The following SPIRE2 variants were observed in gnomAD, a reference collection of about 807,000 sequenced individuals.
SPIRE2 encodes the protein protein spire homolog 2.
SPIRE2 carries 76 observed loss-of-function variants against 80.7 expected under a neutral mutation model. That is an observed-to-expected ratio of 0.94 (90% CI 0.78 to 1.14). The LOEUF (loss-of-function observed/expected upper bound fraction) is 1.14, where lower values mean the gene tolerates loss of function less well. Ranked by LOEUF, SPIRE2 falls within the 50% of genes most tolerant of loss-of-function variation. The pLI is 0.00. For synonymous variants in SPIRE2, 535 were observed against 432.6 expected (o/e 1.24, Z -2.94); for missense variants, 1,196 against 1,015.3 (o/e 1.18, Z -2.42).
At chr16:89,864,542 A>G (rs1171442371) in intron 12 of SPIRE2, among the ~76,000 whole-genome samples, 1 of 152,178 alleles carries the variant, frequency 6.6e-6, no homozygotes, top group Non-Finnish European at 1.5e-5. Context: ...CCTTTACACA[A>G]AAAATTTACC....
At chr16:89,864,491 TA>T (rs2041772265) in intron 12 of SPIRE2, among the ~76,000 whole-genome samples, 1 of 152,228 alleles carries the variant, frequency 6.6e-6, no homozygotes, top group South Asian at 2.1e-4. Context: ...CACACCCATT[TA>T]TTACTCGCTC....
At chr16:89,858,684 T>G (rs2041715143) in intron 8 of SPIRE2, among the ~76,000 whole-genome samples, 177 bp downstream of exon 8, 1 of 152,188 alleles carries the variant, frequency 6.6e-6, no homozygotes, top group Non-Finnish European at 1.5e-5. Flanking sequence ...TCGGGGACCC[T>G]GCCATCTTGG....
Position 89,831,160 on chromosome 16 carries a change from C to T in SPIRE2, c.244+2366C>T, listed in dbSNP as rs1320700830. Among the ~76,000 whole-genome samples, 8 of 150,564 alleles carry T rather than the reference C, an allele frequency of 5.3e-5. No homozygotes were observed. The East Asian group carries it at 5.9e-4, about 11-fold the overall frequency. ...TCCTGACCTCGTGATCTGCCCACCTCGGCCTTCCAAAGTGCTGGGATTACA... is the reference window on the plus strand; with the variant it reads ...TCCTGACCTCGTGATCTGCCCACCTTGGCCTTCCAAAGTGCTGGGATTACA... On this transcript the variant is annotated intron_variant, in intron 1 of 14. Coordinates refer to ENST00000378247, the MANE Select transcript of SPIRE2 (RefSeq NM_032451.2).
rs78659316 is a variant in SPIRE2 at position 89,863,917 on chromosome 16, G to A, written c.1778+56G>A. 3.6e-3 allele frequency: 4,972 copies of A among 1,384,014 alleles called. 277 individuals carry two copies. In the East Asian group the frequency reaches 0.091, roughly 25 times the overall value. The allele number at this position is 1,384,014 out of a possible 1,614,324, so 85.7% of individuals were successfully genotyped here. A position where few individuals can be genotyped will look rare whatever the true frequency, so the allele number is the denominator to read the frequency against. ...AGGGAAGGAGGAGGCGAGAAACCTC[G>A]GGGCAGTACCGCCCACAGAACTTCC... On this transcript the variant is annotated intron_variant, in intron 12 of 14. Transcript: ENST00000378247. The surrounding 1 kb of genome is among the most constrained non-coding windows in gnomAD (Gnocchi z 4.3).
rs766276996 is a variant in SPIRE2, at chr16:89,850,291, C to T, written c.289-13C>T. ...CTGCAGTACCGCCCAGTGACCGCGC[C>T]CCTGTCCCGCAGACCGTGCAGTCCC... is the stretch of plus-strand genomic sequence containing the variant. On this transcript the variant is annotated splice_polypyrimidine_tract_variant and intron_variant, in intron 2 of 14. Transcript: ENST00000378247. 13 of 1,599,800 alleles carry T rather than the reference C, an allele frequency of 8.1e-6. No individual in the cohort carries two copies. In the South Asian group the frequency reaches 1.2e-4, roughly 15 times the overall value.
In SPIRE2 at chr16:89,863,464, G is replaced by A; in HGVS notation, c.1576-12G>A. Reference sequence around the variant, plus strand: ...CTGCATAGAAGACTTCCTACCTGAGGCCGTCCCCTAGGAGTTCAGCCACCC... The same window carrying A: ...CTGCATAGAAGACTTCCTACCTGAGACCGTCCCCTAGGAGTTCAGCCACCC... On this transcript the variant is annotated splice_polypyrimidine_tract_variant and intron_variant, in intron 10 of 14. Coordinates refer to ENST00000378247, the MANE Select transcript of SPIRE2 (RefSeq NM_032451.2). The surrounding 1 kb of genome is among the most constrained non-coding windows in gnomAD (Gnocchi z 4.3). 1 of 1,613,860 alleles carries A rather than the reference G, an allele frequency of 6.2e-7. No individual in the cohort carries two copies. The highest frequency in any genetic ancestry group is 8.5e-7 in the Non-Finnish European group (1 of 1,179,994).
In SPIRE2 at chr16:89,828,548, G is replaced by C; in HGVS notation, c.-3G>C. 1.8e-6 allele frequency: 2 copies of C among 1,110,088 alleles called. No individual in the cohort carries two copies. Among genetic ancestry groups the C allele is most frequent in the Middle Eastern group, 3.9e-4 (1 of 2,552 alleles). 68.8% of individuals were successfully genotyped at this position (1,110,088 alleles called of 1,614,324 possible). A position where few individuals can be genotyped will look rare whatever the true frequency, so the allele number is the denominator to read the frequency against. ...GCGCGCGGGAGGCGATGACGGCCCC[G>C]CCATGGCCCGGGCGGGCAGCTGCGG... is the stretch of plus-strand genomic sequence containing the variant. On this transcript the variant is annotated 5_prime_UTR_variant, in exon 1 of 15. Coordinates refer to ENST00000378247, the MANE Select transcript of SPIRE2 (RefSeq NM_032451.2). The surrounding 1 kb of genome is among the most constrained non-coding windows in gnomAD (Gnocchi z 5.9).
intron 1 of SPIRE2, among the ~76,000 whole-genome samples, chr16:89,832,523 G>A (rs1191780490): frequency 6.6e-6 from 1 of 151,988 alleles, no homozygotes; most frequent in Admixed American, 6.6e-5. Flanking sequence ...CTTCTGCTTG[G>A]AATGCGTTCC....
intron 2 of SPIRE2, chr16:89,845,601 G>T (rs1454479328): frequency 4.3e-6 from 3 of 702,564 alleles, no homozygotes; most frequent in Admixed American, 4.0e-5. Context: ...CCTGGAGGAG[G>T]CAGTGGTGTT....
chr16:89,843,252 C>T (rs1024045854), intron 1 of SPIRE2, among the ~76,000 whole-genome samples: 2 of 152,210 alleles, frequency 1.3e-5, no homozygotes, highest in Non-Finnish European at 2.9e-5. Context: ...TACCTTGGAG[C>T]AAACAGATTC....
At chr16:89,865,661 C>T (rs2041782624) in intron 12 of SPIRE2, among the ~76,000 whole-genome samples, 1 of 151,996 alleles carries the variant, frequency 6.6e-6, no homozygotes, top group African/African-American at 2.4e-5. Context: ...GTTAGAATTT[C>T]CCAGACTGAA....
At chr16:89,829,837 C>CA (rs2041362554) in intron 1 of SPIRE2, among the ~76,000 whole-genome samples, 1 of 151,472 alleles carries the variant, frequency 6.6e-6, no homozygotes, top group Non-Finnish European at 1.5e-5. Context: ...CGCTGGCACT[C>CA]AGACAGTGGC....
chr16:89,850,512 G>C lies in SPIRE2; in HGVS notation c.497G>C (p.Arg166Pro). Reference protein sequence around the residue: ...EEAEGVPRSVRTFAQAMRLCA... With the variant: ...EEAEGVPRSVPTFAQAMRLCA... ...GCCGAGGGCGTCCCCCGCAGCGTGC[G>C]CACCTTTGCCCAGGCCATGCGGCTG... Residue 166 changes from arginine to proline, a missense_variant, in exon 3 of 15, where the codon CGC becomes CCC. Arg to Pro is a moderately radical substitution (Grantham distance 103, BLOSUM62 -2). Coordinates refer to ENST00000378247, the MANE Select transcript of SPIRE2 (RefSeq NM_032451.2). The C allele has an allele frequency of 6.6e-7, 1 of 1,525,106 alleles. No homozygotes were observed. Among genetic ancestry groups the C allele is most frequent in the Non-Finnish European group, 8.8e-7 (1 of 1,140,252 alleles). 94.5% of individuals were successfully genotyped at this position (1,525,106 alleles called of 1,614,324 possible).
chr16:89,858,889 G>T (rs573462651), intron 8 of SPIRE2, among the ~76,000 whole-genome samples: 14 of 152,358 alleles, frequency 9.2e-5, no homozygotes, highest in Non-Finnish European at 1.6e-4. Context: ...CTCTTCACAG[G>T]AAGGGCTGGT....
Position 89,850,660 on chromosome 16 carries a change from G to A in SPIRE2, c.645G>A (p.Glu215=). The A allele has an allele frequency of 1.4e-6, 2 of 1,480,784 alleles. No homozygotes were observed. Among genetic ancestry groups the A allele is most frequent in the South Asian group, 2.6e-5 (2 of 75,506 alleles). 91.7% of individuals were successfully genotyped at this position (1,480,784 alleles called of 1,614,324 possible). The change falls in exon 3 of 15, where the codon GAG becomes GAA. Residue 215 remains glutamate, a splice_region_variant and synonymous_variant. Coordinates refer to ENST00000378247, the MANE Select transcript of SPIRE2 (RefSeq NM_032451.2). ...AFLARVREAK[E]MLQKLREDEP... ...TGGCCAGGGTCCGGGAGGCCAAGGA[G>A]GTGAGCGGTGGGTGGGGGCGACCGT...
At chr16:89,835,158 G>A (rs1198197273) in intron 1 of SPIRE2, among the ~76,000 whole-genome samples, 7 of 150,890 alleles carry the variant, frequency 4.6e-5, no homozygotes, top group African/African-American at 7.3e-5. Context: ...ACGGTTGGCC[G>A]TCGTAGAAGC....
In SPIRE2 at chr16:89,856,233, C is replaced by T. The variant is rs1473516609; in HGVS notation, c.1099C>T (p.Arg367Cys). ...GGTGCGGGGCGAGGGCTGGGCTGCC[C>T]GCGGTGAGTGAGGGGATGGCAGGAG... is the stretch of plus-strand genomic sequence containing the variant. ...RPVRGEGWAA[R>C]GFGSLPCILN... Residue 367 changes from arginine to cysteine, a missense_variant, in exon 7 of 15, where the codon CGC (arginine) becomes TGC (cysteine). Coordinates refer to ENST00000378247, the MANE Select transcript of SPIRE2 (RefSeq NM_032451.2). 3 of 1,570,424 alleles carry T rather than the reference C, an allele frequency of 1.9e-6. No individual in the cohort carries two copies. Among genetic ancestry groups the T allele is most frequent in the East Asian group, 2.3e-5 (1 of 43,020 alleles).
At chr16:89,829,923 C>A (rs78001663) in intron 1 of SPIRE2, among the ~76,000 whole-genome samples, 9,868 of 151,338 alleles carry the variant, frequency 0.065, 912 homozygotes, top group East Asian at 0.24. Flanking sequence ...ACGGCAGGTG[C>A]ATGGGGCCCA....
At chr16:89,857,351 G>T (rs6500459) in intron 7 of SPIRE2, among the ~76,000 whole-genome samples, 87,315 of 151,294 alleles carry the variant, frequency 0.58, 25,575 homozygotes, top group East Asian at 0.74. Flanking sequence ...GCCCAGGCTG[G>T]TGTTGAACTC....
Sources: gnomAD v4.1 joint callset for allele counts (sites outside exome capture counted in the v4.1 genomes callset) on GRCh38, gnomAD v4.1.1 for gene constraint, Gnocchi (gnomAD v3.1) non-coding constraint, MANE v1.5 for transcripts, NCBI Gene and HGNC (gene_info 2026-07-23, HGNC 2026-07-21) for gene names.